NOS2: variants seen among roughly 807,000 people sequenced by gnomAD.
NOS2 encodes nitric oxide synthase 2, also known as nitric oxide synthase, inducible.
In NOS2, 96 loss-of-function variants were observed where a neutral mutation model predicts 136.0. That is an observed-to-expected ratio of 0.71 (90% confidence interval 0.60 to 0.84). NOS2 has a LOEUF of 0.84. Among genes scored for constraint, NOS2 ranks in the 40% least tolerant of loss-of-function variants. NOS2 has a pLI of 0.00. For synonymous variants in NOS2, 539 were observed against 587.5 expected (o/e 0.92, Z 1.20); for missense variants, 1,237 against 1,496.9 (o/e 0.83, Z 2.87).
At chr17:27,791,798 A>ATATATAT (rs1567643098) in intron 2 of NOS2, among the ~76,000 whole-genome samples, 4 of 150,784 alleles carry the variant, frequency 2.7e-5, no homozygotes, top group African/African-American at 9.8e-5. Flanking sequence ...AAAACAAAAC[A>ATATATAT]AAACAAAAAT....
At chr17:27,774,940 T>C (rs1908614672) in intron 11 of NOS2, among the ~76,000 whole-genome samples, 1 of 152,124 alleles carries the variant, frequency 6.6e-6, no homozygotes, top group African/African-American at 2.4e-5. Flanking sequence ...GGGAGAACTG[T>C]AGTGTATGGG....
intron 17 of NOS2, 147 bp downstream of exon 17, chr17:27,768,830 G>T: frequency 1.2e-6 from 1 of 841,850 alleles, no homozygotes; most frequent in Non-Finnish European, 1.8e-6. Flanking sequence ...TAAGCCCTCA[G>T]GTTTGTGGCC....
intron 5 of NOS2, among the ~76,000 whole-genome samples, chr17:27,785,721 G>C (rs1198107616): frequency 2.0e-5 from 3 of 152,110 alleles, no homozygotes; most frequent in Admixed American, 2.0e-4. Context: ...ACTTTGGGAG[G>C]CCAAGGCAGG....
Position 27,774,188 on chromosome 17 carries a change from G to GCACA in NOS2, c.1476+65_1476+68dup, listed in dbSNP as rs66764731. On this transcript the variant is annotated intron_variant, in intron 12 of 26. Coordinates refer to ENST00000313735, the MANE Select transcript of NOS2 (RefSeq NM_000625.4). ...TGCCCTACATGTGTAACAATGAGGT[G>GCACA]CACACACACACACACACATACAGCC... The GCACA allele has an allele frequency of 1.4e-4, 152 of 1,085,126 alleles. No homozygotes were observed. The East Asian group carries it at 1.7e-3, about 12-fold the overall frequency. 67.2% of individuals were successfully genotyped at this position (1,085,126 alleles called of 1,614,324 possible). A position where few individuals can be genotyped will look rare whatever the true frequency, so the allele number is the denominator to read the frequency against.
chr17:27,781,168 G>A lies in NOS2; in HGVS notation c.732C>T (p.Ile244=), dbSNP rs1908834938. Residue 244 remains isoleucine, a synonymous_variant, in exon 8 of 27, where the codon ATC becomes ATT. Coordinates refer to ENST00000313735, the MANE Select transcript of NOS2 (RefSeq NM_000625.4). Reference sequence around the variant, plus strand: ...CATCACTCCGCTGGGGGAACACGGTGATGGCCGACCTTCCCAGGACAGGAA... The same window carrying A: ...CATCACTCCGCTGGGGGAACACGGTAATGGCCGACCTTCCCAGGACAGGAA... The part of the protein sequence containing the change: ...STNNGNIRSA[I]TVFPQRSDGK... The A allele has an allele frequency of 1.2e-6, 2 of 1,607,310 alleles. No individual in the cohort carries two copies. The highest frequency in any genetic ancestry group is 1.3e-5 in the African/African-American group (1 of 74,944).
Position 27,760,623 on chromosome 17 carries a change from C to T in NOS2, c.3010G>A (p.Gly1004Arg), listed in dbSNP as rs1157644568. 6.4e-7 allele frequency: 1 copy of T among 1,553,506 alleles called. No individual in the cohort carries two copies. Among genetic ancestry groups the T allele is most frequent in the South Asian group, 1.2e-5 (1 of 84,220 alleles). The change falls in exon 24 of 27, where the codon GGA becomes AGA. Residue 1004 changes from glycine (G) to arginine (R), a missense_variant and splice_region_variant. By Grantham distance (125) the Gly-to-Arg change is moderately radical (BLOSUM62 -2). Transcript: ENST00000313735. ...QQRLHDSQHK[G>R]VRGGRMTLVF... Reference sequence around the variant, plus strand: ...CCACCTGGGAAGCCTCCAGCCTTACCCTTGTGCTGGGAGTCATGGAGCCGT... The same window carrying T: ...CCACCTGGGAAGCCTCCAGCCTTACTCTTGTGCTGGGAGTCATGGAGCCGT...
At chr17:27,769,696 C>T in intron 15 of NOS2, 112 bp from the exon 16 acceptor site, 1 of 927,478 alleles carries the variant, frequency 1.1e-6, no homozygotes, top group South Asian at 1.4e-5. Context: ...CACAGCCCAC[C>T]ACGGAAGTTG....
At position 27,757,143 on chromosome 17, in the gene NOS2, T is replaced by C; in HGVS notation, c.*103A>G. 1 of 836,592 alleles carries C rather than the reference T, an allele frequency of 1.2e-6. No individual in the cohort carries two copies. Among genetic ancestry groups the C allele is most frequent in the Non-Finnish European group, 1.9e-6 (1 of 535,318 alleles). 51.8% of individuals were successfully genotyped at this position (836,592 alleles called of 1,614,324 possible). ...GGAAATAAGACTTGAGGCTGGGGGA[T>C]ATCACTTTCCTCCATCTCCCCAGGC... On this transcript the variant is annotated 3_prime_UTR_variant, in exon 27 of 27. Coordinates refer to ENST00000313735, the MANE Select transcript of NOS2 (RefSeq NM_000625.4).
chr17:27,788,998 G>A lies in NOS2; in HGVS notation c.196-67C>T, dbSNP rs571354602. The A allele has an allele frequency of 1.8e-5, 28 of 1,568,058 alleles. No homozygotes were observed. In the South Asian group the frequency reaches 3.2e-4, roughly 18 times the overall value. On this transcript the variant is annotated intron_variant, in intron 3 of 26. Transcript: ENST00000313735. The stretch of plus-strand genomic sequence containing the variant: ...AGACCCCAGGCCCTGCCTTGTCTTA[G>A]AGTGGGGAAGGATCTATGGGTGGCC...
intron 11 of NOS2, among the ~76,000 whole-genome samples, chr17:27,774,698 C>T (rs1754386738): frequency 6.6e-6 from 1 of 152,210 alleles, no homozygotes; most frequent in African/African-American, 2.4e-5. Flanking sequence ...TGGGGGCCTC[C>T]CTTAAGTCTT....
At chr17:27,769,934 A>G (rs945333472) in intron 15 of NOS2, among the ~76,000 whole-genome samples, 11 of 152,200 alleles carry the variant, frequency 7.2e-5, no homozygotes, top group African/African-American at 2.7e-4. Flanking sequence ...AACCCGGTAG[A>G]AGCAACAACA....
At chr17:27,795,418 T>C (rs1909325773) in intron 2 of NOS2, among the ~76,000 whole-genome samples, 1 of 152,250 alleles carries the variant, frequency 6.6e-6, no homozygotes, top group Non-Finnish European at 1.5e-5. Flanking sequence ...ATAAATGTTA[T>C]CTATTGTTTT....
At chr17:27,760,935 C>G (rs1281181328) in intron 23 of NOS2, among the ~76,000 whole-genome samples, 191 bp from the exon 24 acceptor site, 5 of 152,188 alleles carry the variant, frequency 3.3e-5, no homozygotes, top group Non-Finnish European at 7.3e-5. Flanking sequence ...CCCCCAGGTC[C>G]TTCTGTAAAA....
chr17:27,798,743 CT>C lies in NOS2; in HGVS notation c.66del (p.Asp23ThrfsTer17). The C allele has an allele frequency of 1.2e-6, 2 of 1,613,936 alleles. No individual in the cohort carries two copies. Among genetic ancestry groups the C allele is most frequent in the Non-Finnish European group, 8.5e-7 (1 of 1,179,834 alleles). On this transcript the variant is annotated frameshift_variant, in exon 2 of 27. Coordinates refer to ENST00000313735, the MANE Select transcript of NOS2 (RefSeq NM_000625.4). LOFTEE classifies it high-confidence loss of function. The part of the protein sequence containing the change: ...KFHQYAMNGE[K>X]DINNNVEKAP... ...GCTTTCTCCACATTGTTGTTGATGT[CT>C]TTTTCCCCATTCATTGCATACTGGT...
chr17:27,783,655 G>T (rs1031539830), intron 5 of NOS2, among the ~76,000 whole-genome samples: 1 of 152,184 alleles, frequency 6.6e-6, no homozygotes, highest in Non-Finnish European at 1.5e-5. Flanking sequence ...CACAGGCAGG[G>T]TCTCACTGAG....
intron 7 of NOS2, 24 bp from the exon 8 acceptor site, chr17:27,781,201 G>A (rs201647140): frequency 3.1e-6 from 5 of 1,592,292 alleles, no homozygotes; most frequent in Non-Finnish European, 4.3e-6. Flanking sequence ...GAACAGTACT[G>A]TTTACCACCT....
At chr17:27,761,087 C>G in intron 23 of NOS2, 57 bp downstream of exon 23, 1 of 1,445,608 alleles carries the variant, frequency 6.9e-7, no homozygotes, top group South Asian at 1.4e-5. Context: ...TCCCTTTCCT[C>G]CCGGAACTCC....
chr17:27,760,776 C>T (rs1168960545), intron 23 of NOS2, 32 bp from the exon 24 acceptor site: 2 of 1,543,398 alleles, frequency 1.3e-6, no homozygotes, highest in Non-Finnish European at 1.7e-6. Context: ...GGGGCCAGTC[C>T]TCAGACACCC....
rs1908753626 is a variant in NOS2, at chr17:27,778,998, T to C, written c.1063A>G (p.Met355Val). Residue 355 changes from methionine (M) to valine (V), a missense_variant, in exon 10 of 27, where the codon ATG (methionine) becomes GTG (valine). Transcript: ENST00000313735. The stretch of plus-strand genomic sequence containing the variant: ...TCCAGGCCGCCCACCTCAAGCAGCA[T>C]GTTGGCCACTGCAGGCAGGGCGTAC... The part of the protein sequence containing the change: ...KWYALPAVAN[M>V]LLEVGGLEFP... 1.2e-6 allele frequency: 2 copies of C among 1,611,544 alleles called. No individual in the cohort carries two copies. Among genetic ancestry groups the C allele is most frequent in the Non-Finnish European group, 1.7e-6 (2 of 1,178,208 alleles).
Sources: allele counts gnomAD v4.1 joint callset (sites outside exome capture counted in the v4.1 genomes callset), GRCh38; gene constraint gnomAD v4.1.1; transcripts MANE v1.5; gene names NCBI Gene and HGNC (gene_info 2026-07-23, HGNC 2026-07-21).